CDH4: variants seen among roughly 807,000 people sequenced by gnomAD.
The protein encoded by CDH4 is cadherin 4, also known as cadherin-4.
In CDH4, 33 loss-of-function variants were observed where a neutral mutation model predicts 86.0. The observed-to-expected ratio is 0.38, with a 90% CI of 0.29 to 0.51. The LOEUF (loss-of-function observed/expected upper bound fraction) is 0.51. Ranked by LOEUF, CDH4 falls within the 20% of genes least tolerant of loss-of-function variation. The pLI, the probability that CDH4 is intolerant of heterozygous loss-of-function variation, is 0.86. For synonymous variants in CDH4, 555 were observed against 549.4 expected (o/e 1.01, Z -0.14); for missense variants, 1,114 against 1,307.4 (o/e 0.85, Z 2.28).
chr20:61,832,080 T>C (rs987475670), intron 4 of CDH4, among the ~76,000 whole-genome samples: 1 of 152,248 alleles, frequency 6.6e-6, no homozygotes, highest in African/African-American at 2.4e-5. Flanking sequence ...GATGTACCCA[T>C]TCCAACCTCC....
At chr20:61,884,593 G>T (rs1600736413) in intron 7 of CDH4, among the ~76,000 whole-genome samples, 3 of 152,276 alleles carry the variant, frequency 2.0e-5, no homozygotes, top group African/African-American at 7.2e-5. Flanking sequence ...GGGGCTCCAT[G>T]CTCAGCCCCT....
chr20:61,461,293 G>A (rs1230278136), intron 2 of CDH4, among the ~76,000 whole-genome samples: 1 of 152,090 alleles, frequency 6.6e-6, no homozygotes, highest in Non-Finnish European at 1.5e-5. Context: ...CAATTAAAAA[G>A]GGTATTAAGA....
intron 2 of CDH4, among the ~76,000 whole-genome samples, chr20:61,383,082 T>G: frequency 8.5e-6 from 1 of 118,190 alleles, no homozygotes; most frequent in Non-Finnish European, 1.7e-5. Context: ...ATATAATATA[T>G]ATATGAATAT....
intron 3 of CDH4, among the ~76,000 whole-genome samples, chr20:61,763,327 C>T (rs148614564): frequency 0.01 from 1,593 of 152,302 alleles, 25 homozygotes; most frequent in African/African-American, 0.036. Context: ...CTCAGGGAAC[C>T]CAGGCCCTGT....
In CDH4 at chr20:61,533,778, G is replaced by A. The variant is rs185750545; in HGVS notation, c.170-209785G>A. ...GGGGAGCATGGGCTCTGCAGACCTC[G>A]CATATATGGAGCCTAATTACCCACA... On this transcript the variant is annotated intron_variant, in intron 2 of 15. Coordinates refer to ENST00000614565, the MANE Select transcript of CDH4 (RefSeq NM_001794.5). Among the ~76,000 whole-genome samples, 486 of 152,362 alleles carry A rather than the reference G, an allele frequency of 3.2e-3. No individual in the cohort carries two copies. In the Middle Eastern group the frequency reaches 0.041, roughly 13 times the overall value.
At chr20:61,883,504 G>A (rs934076287) in intron 7 of CDH4, among the ~76,000 whole-genome samples, 2 of 151,944 alleles carry the variant, frequency 1.3e-5, no homozygotes, top group African/African-American at 4.8e-5. Context: ...AGCAGAGAAC[G>A]ACCCAGCCCC....
chr20:61,397,960 C>T (rs1448924759), intron 2 of CDH4, among the ~76,000 whole-genome samples: 2 of 152,200 alleles, frequency 1.3e-5, no homozygotes, highest in Admixed American at 6.5e-5. Context: ...TTGGCCTGAC[C>T]TGCCCGATGG....
chr20:61,843,419 C>T (rs527572197), intron 4 of CDH4, among the ~76,000 whole-genome samples: 58 of 138,108 alleles, frequency 4.2e-4, no homozygotes, highest in East Asian at 1.7e-3. Flanking sequence ...CACTGCAGTC[C>T]GCAGTCCGGC....
intron 2 of CDH4, among the ~76,000 whole-genome samples, chr20:61,288,616 G>T (rs1487492352): frequency 6.6e-6 from 1 of 152,232 alleles, no homozygotes; most frequent in Admixed American, 6.5e-5. Flanking sequence ...CAGAGCTGCG[G>T]TTACCACGGG....
At chr20:61,816,900 G>C (rs920158869) in intron 4 of CDH4, among the ~76,000 whole-genome samples, 3 of 152,200 alleles carry the variant, frequency 2.0e-5, no homozygotes, top group Admixed American at 6.5e-5. Flanking sequence ...TTTGTTCCCT[G>C]TGTGTGCCAC....
rs1482895618 is a variant in CDH4, at chr20:61,283,511, CT to C, written c.169+28575del. 1.0e-3 allele frequency among the ~76,000 whole-genome samples: 100 copies of C among 99,840 alleles called. 5 individuals are homozygous for C. The highest frequency in any genetic ancestry group is 1.3e-3 in the African/African-American group (35 of 26,642). The allele number at this position is 99,840 out of a possible 152,430, so 65.5% of individuals were successfully genotyped here. On this transcript the variant is annotated intron_variant, in intron 2 of 15. Coordinates refer to ENST00000614565, the MANE Select transcript of CDH4 (RefSeq NM_001794.5). ...ATGTAGGTGCATTTGCACGCGTGTG[CT>C]GTGGTGTGTGATGTAGGTGCATTTA...
In CDH4 at chr20:61,377,670, C is replaced by G. The variant is rs375209781; in HGVS notation, c.169+122733C>G. The stretch of plus-strand genomic sequence containing the variant: ...GAACCAGATCCCCAGAAAGAACATC[C>G]CTTTCAAAACCAGAAGTCTTAGGCT... On this transcript the variant is annotated intron_variant, in intron 2 of 15. Coordinates refer to ENST00000614565, the MANE Select transcript of CDH4 (RefSeq NM_001794.5). The surrounding 1 kb of genome is among the most constrained non-coding windows in gnomAD (Gnocchi z 4.0). Among the ~76,000 whole-genome samples, 1 of 152,224 alleles carries G rather than the reference C, an allele frequency of 6.6e-6. No individual in the cohort carries two copies. Among genetic ancestry groups the G allele is most frequent in the South Asian group, 2.1e-4 (1 of 4,836 alleles).
intron 2 of CDH4, among the ~76,000 whole-genome samples, chr20:61,256,048 T>A (rs1186818473): frequency 6.6e-6 from 1 of 152,196 alleles, no homozygotes; most frequent in Non-Finnish European, 1.5e-5. Flanking sequence ...AGATGTGCAA[T>A]CTAACAGGGC....
intron 2 of CDH4, among the ~76,000 whole-genome samples, chr20:61,382,262 G>T (rs973159915): frequency 2.0e-5 from 3 of 152,180 alleles, no homozygotes; most frequent in African/African-American, 7.2e-5. Context: ...CCGCCTAATG[G>T]AATGCTCAAA....
At chr20:61,469,762 C>G (rs2427122) in intron 2 of CDH4, among the ~76,000 whole-genome samples, 1 of 151,842 alleles carries the variant, frequency 6.6e-6, no homozygotes, top group Admixed American at 6.6e-5. Flanking sequence ...GGATCTGGTT[C>G]TATTCTTCTG....
chr20:61,874,707 C>T (rs1286465359), intron 7 of CDH4, among the ~76,000 whole-genome samples: 1 of 152,188 alleles, frequency 6.6e-6, no homozygotes, highest in African/African-American at 2.4e-5. Flanking sequence ...CAGGACAGGG[C>T]ATCGCCTGCC....
chr20:61,413,013 C>A (rs1892318), intron 2 of CDH4, among the ~76,000 whole-genome samples: 1 of 151,970 alleles, frequency 6.6e-6, no homozygotes, highest in African/African-American at 2.4e-5. Context: ...AATAGTCCAT[C>A]CCCCAAGCCA....
At chr20:61,867,718 G>A (rs921831128) in intron 6 of CDH4, among the ~76,000 whole-genome samples, 4 of 152,158 alleles carry the variant, frequency 2.6e-5, no homozygotes, top group Admixed American at 6.5e-5. Context: ...GGCAGGAGGC[G>A]AGCAGAGGAG....
Position 61,676,168 on chromosome 20 carries a change from G to A in CDH4, c.170-67395G>A, listed in dbSNP as rs1175051982. On this transcript the variant is annotated intron_variant, in intron 2 of 15. Coordinates refer to ENST00000614565, the MANE Select transcript of CDH4 (RefSeq NM_001794.5). This position sits in a 1 kb window ranked among gnomAD's most constrained non-coding sequence, Gnocchi z 4.5. The stretch of plus-strand genomic sequence containing the variant: ...GGGGCCTGCCAGTTCGAATTTGCAC[G>A]TGCAGAAAATCACATCCTTCCGTCA... 2.6e-5 allele frequency among the ~76,000 whole-genome samples: 4 copies of A among 152,222 alleles called. No individual in the cohort carries two copies. Among genetic ancestry groups the A allele is most frequent in the Admixed American group, 1.3e-4 (2 of 15,288 alleles).
Sources: allele counts gnomAD v4.1 joint callset (sites outside exome capture counted in the v4.1 genomes callset), GRCh38; gene constraint gnomAD v4.1.1; non-coding constraint Gnocchi (gnomAD v3.1); transcripts MANE v1.5; gene names NCBI Gene and HGNC (gene_info 2026-07-23, HGNC 2026-07-21).